Variants in ZNF140 observed in about 807,000 individuals in gnomAD.
ZNF140 encodes zinc finger protein 140 (clone pHZ-39).
Under a neutral mutation model 12.9 loss-of-function variants are expected in ZNF140, and 13 were observed. That is an observed-to-expected ratio of 1.01 (90% CI 0.66 to 1.60). The LOEUF (loss-of-function observed/expected upper bound fraction) is 1.60. Ranked by LOEUF, ZNF140 falls within the 40% of genes most tolerant of loss-of-function variation. The pLI is 0.00. For synonymous variants in ZNF140, 214 were observed against 186.7 expected (o/e 1.15, Z -1.19); for missense variants, 531 against 548.8 (o/e 0.97, Z 0.32).
chr12:133,091,725 G>T (rs1439999713), intron 4 of ZNF140, among the ~76,000 whole-genome samples: 2 of 151,024 alleles, frequency 1.3e-5, no homozygotes, highest in African/African-American at 2.5e-5. Flanking sequence ...AAGTGACAGG[G>T]TTAAGATTTG....
intron 4 of ZNF140, among the ~76,000 whole-genome samples, chr12:133,097,470 C>T (rs1306340984): frequency 6.6e-6 from 1 of 151,866 alleles, no homozygotes; most frequent in Non-Finnish European, 1.5e-5. Context: ...GATGAAACCT[C>T]GTCTCTACTA....
chr12:133,102,543 C>T (rs1955382605), intron 4 of ZNF140, among the ~76,000 whole-genome samples: 1 of 151,858 alleles, frequency 6.6e-6, no homozygotes, highest in Non-Finnish European at 1.5e-5. Flanking sequence ...CTGGGCAACA[C>T]AGTGAAACCC....
chr12:133,081,105 G>GGAAGAGAAAGCCGGCGCCAGT, intron 1 of ZNF140, 33 bp downstream of exon 1: 1 of 261,118 alleles, frequency 3.8e-6, no homozygotes, highest in Admixed American at 4.9e-5. Flanking sequence ...CGCCGTGGCA[G>GGAAGAGAAAGCCGGCGCCAGT]GAAGAGAAAG....
At chr12:133,097,682 A>G (rs56374260) in intron 4 of ZNF140, among the ~76,000 whole-genome samples, 1,953 of 151,848 alleles carry the variant, frequency 0.013, 45 homozygotes, top group African/African-American at 0.045. Flanking sequence ...TAGAGACAGG[A>G]TCTCCCCATT....
intron 4 of ZNF140, among the ~76,000 whole-genome samples, chr12:133,086,941 G>GT (rs1954695846): frequency 6.6e-6 from 1 of 152,106 alleles, no homozygotes; most frequent in Admixed American, 6.5e-5. Context: ...TTTTGTGTTT[G>GT]TATGTTTCTA....
intron 4 of ZNF140, among the ~76,000 whole-genome samples, chr12:133,089,925 C>T (rs940470900): frequency 6.6e-6 from 1 of 151,484 alleles, no homozygotes; most frequent in East Asian, 1.9e-4. Context: ...ATCTCACTTA[C>T]TGCAGCCTCT....
intron 4 of ZNF140, among the ~76,000 whole-genome samples, chr12:133,090,953 A>AGG (rs1176932012): frequency 4.1e-5 from 6 of 146,546 alleles, no homozygotes; most frequent in Non-Finnish European, 7.6e-5. Flanking sequence ...CTCCCACCAT[A>AGG]GGGCGGTTTT....
chr12:133,086,587 A>G (rs762866597), intron 4 of ZNF140, among the ~76,000 whole-genome samples: 8 of 152,282 alleles, frequency 5.3e-5, no homozygotes, highest in African/African-American at 1.4e-4. Flanking sequence ...AATCTTTCAC[A>G]TGTGGCTTTT....
intron 4 of ZNF140, among the ~76,000 whole-genome samples, chr12:133,101,665 G>C (rs987528751): frequency 6.6e-6 from 1 of 152,118 alleles, no homozygotes; most frequent in African/African-American, 2.4e-5. Context: ...GGATGGTCTT[G>C]ATCTCCTGAC....
intron 4 of ZNF140, among the ~76,000 whole-genome samples, chr12:133,104,543 G>A (rs1273200315): frequency 6.6e-6 from 1 of 151,974 alleles, no homozygotes; most frequent in Non-Finnish European, 1.5e-5. Flanking sequence ...AGTAGAGACG[G>A]GGTTTCACTG....
chr12:133,081,315 T>A lies in ZNF140; in HGVS notation c.-6T>A. 6.7e-7 allele frequency: 1 copy of A among 1,503,268 alleles called. No individual in the cohort carries two copies. Among genetic ancestry groups the A allele is most frequent in the Non-Finnish European group, 9.0e-7 (1 of 1,106,424 alleles). The allele number at this position is 1,503,268 out of a possible 1,614,324, so 93.1% of individuals were successfully genotyped here. Reference sequence around the variant, plus strand: ...TTTCTGATCTCCTCCTTCCCTTCTGTGAGCTATGTCTCAGGTAAGCTAATG... The same window carrying A: ...TTTCTGATCTCCTCCTTCCCTTCTGAGAGCTATGTCTCAGGTAAGCTAATG... On this transcript the variant is annotated 5_prime_UTR_variant, in exon 2 of 5. Transcript: ENST00000355557.
intron 4 of ZNF140, among the ~76,000 whole-genome samples, chr12:133,090,134 C>A (rs1311992791): frequency 2.0e-5 from 3 of 152,068 alleles, no homozygotes; most frequent in Admixed American, 1.3e-4. Flanking sequence ...TAGATGTGAG[C>A]CACCACACCC....
chr12:133,090,644 G>A (rs1159725871), intron 4 of ZNF140, among the ~76,000 whole-genome samples: 2 of 116,170 alleles, frequency 1.7e-5, no homozygotes. Context: ...AACAACAGTG[G>A]GCCCAGGGGA....
intron 4 of ZNF140, among the ~76,000 whole-genome samples, chr12:133,088,194 C>G (rs1454952180): frequency 2.6e-5 from 4 of 151,850 alleles, no homozygotes; most frequent in Non-Finnish European, 5.9e-5. Flanking sequence ...CTAAATCTTT[C>G]TAGATTTTTT....
intron 4 of ZNF140, among the ~76,000 whole-genome samples, chr12:133,088,307 T>A (rs1385283287): frequency 2.6e-5 from 4 of 152,240 alleles, no homozygotes; most frequent in Non-Finnish European, 5.9e-5. Flanking sequence ...CGCTGATTTT[T>A]GTTACTGTCT....
rs1955570244 is a variant in ZNF140 at position 133,105,801 on chromosome 12, C to G, written c.524C>G (p.Ser175Cys). The change falls in exon 5 of 5, where the codon TCC becomes TGC. Residue 175 changes from serine to cysteine, a missense_variant. Coordinates refer to ENST00000355557, the MANE Select transcript of ZNF140 (RefSeq NM_003440.4). The part of the protein sequence containing the change: ...ECGKTFGRRF[S>C]LVLHQRTHTG... ...GGAAAAACTTTTGGTCGACGCTTTT[C>G]CCTGGTGTTACACCAGAGGACTCAT... The G allele has an allele frequency of 6.2e-7, 1 of 1,614,176 alleles. No homozygotes were observed. The highest frequency in any genetic ancestry group is 1.3e-5 in the African/African-American group (1 of 75,054).
At chr12:133,081,386 T>TC in intron 2 of ZNF140, 57 bp downstream of exon 2, 1 of 255,738 alleles carries the variant, frequency 3.9e-6, no homozygotes, top group Non-Finnish European at 6.7e-6. Flanking sequence ...TTTATTTTTT[T>TC]TTTAAGAGAG....
intron 4 of ZNF140, among the ~76,000 whole-genome samples, chr12:133,092,874 G>C (rs1377267752): frequency 6.6e-6 from 1 of 151,122 alleles, no homozygotes; most frequent in Non-Finnish European, 1.5e-5. Context: ...GCCGCACATT[G>C]TTCCCAAACT....
At chr12:133,096,017 T>C (rs912930823) in intron 4 of ZNF140, among the ~76,000 whole-genome samples, 1 of 150,948 alleles carries the variant, frequency 6.6e-6, no homozygotes, top group Non-Finnish European at 1.5e-5. Context: ...GCTTTCCTCT[T>C]TTACCAATCC....
Sources: gnomAD v4.1 joint callset for allele counts (sites outside exome capture counted in the v4.1 genomes callset) on GRCh38, gnomAD v4.1.1 for gene constraint, MANE v1.5 for transcripts, NCBI Gene and HGNC (gene_info 2026-07-23, HGNC 2026-07-21) for gene names.